TULP4: variants seen among roughly 807,000 people sequenced by gnomAD.
TULP4 encodes tubby-related protein 4.
TULP4 carries 16 observed loss-of-function variants against 129.0 expected under a neutral mutation model. The ratio of observed to expected loss-of-function variants is 0.12; its 90% CI spans 0.08 to 0.19. The LOEUF (loss-of-function observed/expected upper bound fraction) is 0.19, where lower values mean the gene tolerates loss of function less well. Ranked by LOEUF, TULP4 falls within the 10% of genes least tolerant of loss-of-function variation. The pLI is 1.00. For missense variants in TULP4, 1,842 were observed against 2,059.1 expected, an observed-to-expected ratio of 0.89 and a Z score of 2.04; for synonymous variants, 998 against 854.0, an observed-to-expected ratio of 1.17 and a Z score of -2.94.
chr6:158,462,850 A>T (rs909181866), intron 6 of TULP4, among the ~76,000 whole-genome samples: 2 of 149,216 alleles, frequency 1.3e-5, no homozygotes, highest in African/African-American at 5.0e-5. Context: ...CCCGGGTTCA[A>T]GCAATTCTCC....
intron 1 of TULP4, among the ~76,000 whole-genome samples, chr6:158,336,391 T>G (rs1468267479): frequency 1.3e-5 from 2 of 152,144 alleles, no homozygotes; most frequent in East Asian, 3.8e-4. Flanking sequence ...TTGACTTTGC[T>G]TAGTGTATTT....
At chr6:158,374,928 A>T (rs1303814179) in intron 1 of TULP4, among the ~76,000 whole-genome samples, 4 of 152,194 alleles carry the variant, frequency 2.6e-5, no homozygotes, top group Non-Finnish European at 5.9e-5. Context: ...TGGACTTGCT[A>T]TGCTTACCTA....
At position 158,313,405 on chromosome 6, in the gene TULP4, T is replaced by C. The variant is rs1196248551; in HGVS notation, c.-612T>C. On this transcript the variant is annotated 5_prime_UTR_variant, in exon 1 of 14. Transcript: ENST00000367097. ...GTTTTGCACGGTTTGTGTGCCTTTT[T>C]TTCCCTTTATGCAATCTTTTTCAGC... 8 of 398,898 alleles carry C rather than the reference T, an allele frequency of 2.0e-5. No individual in the cohort carries two copies. Among genetic ancestry groups the C allele is most frequent in the African/African-American group, 1.2e-4 (6 of 48,760 alleles). The allele number at this position is 398,898 out of a possible 1,614,324, so 24.7% of individuals were successfully genotyped here.
At chr6:158,315,133 T>G (rs1462199657) in intron 1 of TULP4, among the ~76,000 whole-genome samples, 5 of 152,186 alleles carry the variant, frequency 3.3e-5, no homozygotes, top group Non-Finnish European at 7.3e-5. Flanking sequence ...ATAGCTACTG[T>G]AAAGGAGCAG....
intron 1 of TULP4, among the ~76,000 whole-genome samples, chr6:158,243,341 T>C (rs1375612115): frequency 1.3e-5 from 2 of 152,142 alleles, no homozygotes; most frequent in Non-Finnish European, 2.9e-5. Context: ...AAAAATTTTT[T>C]CTTAGTATCA....
intron 3 of TULP4, among the ~76,000 whole-genome samples, chr6:158,444,382 A>G (rs374342242): frequency 2.0e-5 from 3 of 151,712 alleles, no homozygotes; most frequent in African/African-American, 7.3e-5. Context: ...AGAGGTGCTA[A>G]GGTTACTAGG....
intron 2 of TULP4, among the ~76,000 whole-genome samples, chr6:158,423,316 A>G (rs887562868): frequency 6.6e-6 from 1 of 152,278 alleles, no homozygotes; most frequent in Non-Finnish European, 1.5e-5. Flanking sequence ...GACTTCATCG[A>G]AATTTAATGA....
chr6:158,476,768 C>T (rs1779830148), intron 6 of TULP4, among the ~76,000 whole-genome samples: 1 of 152,140 alleles, frequency 6.6e-6, no homozygotes, highest in Non-Finnish European at 1.5e-5. Flanking sequence ...CCATCTGGGG[C>T]TCACGATTTT....
At position 158,385,645 on chromosome 6, in the gene TULP4, T is replaced by A. The variant is rs965520305; in HGVS notation, c.253-27420T>A. On this transcript the variant is annotated intron_variant, in intron 1 of 13. Transcript: ENST00000367097. ...ACATATTATATATAAAATATAATTA[T>A]ACATGTACAATATATACAAATATAC... 2.0e-5 allele frequency among the ~76,000 whole-genome samples: 3 copies of A among 149,298 alleles called. 1 individual carries two copies. The highest frequency in any genetic ancestry group is 7.3e-5 in the African/African-American group (3 of 40,936).
intron 13 of TULP4, among the ~76,000 whole-genome samples, chr6:158,505,519 G>A (rs1780580052): frequency 6.6e-6 from 1 of 152,246 alleles, no homozygotes; most frequent in Non-Finnish European, 1.5e-5. Context: ...TTTATTATCA[G>A]CCCCTCGCAG....
chr6:158,318,929 A>G (rs1401205253), intron 1 of TULP4, among the ~76,000 whole-genome samples: 2 of 128,432 alleles, frequency 1.6e-5, no homozygotes, highest in Non-Finnish European at 3.2e-5. Context: ...TTTTTTTGGT[A>G]GAGACAGGGT....
chr6:158,409,945 T>C (rs1349186803), intron 1 of TULP4, among the ~76,000 whole-genome samples: 2 of 151,944 alleles, frequency 1.3e-5, no homozygotes, highest in Non-Finnish European at 2.9e-5. Flanking sequence ...AAGCTCCGCC[T>C]CCCGGGTTGA....
rs1017961723 is a variant in TULP4 at position 158,506,452 on chromosome 6, C to T, written c.4516-126C>T. 4.1e-6 allele frequency: 3 copies of T among 732,358 alleles called. No individual in the cohort carries two copies. In the African/African-American group the frequency reaches 5.2e-5, roughly 13 times the overall value. The allele number at this position is 732,358 out of a possible 1,614,324, so 45.4% of individuals were successfully genotyped here. ...TTCACCGTGTTAGCCAGGGTGGTCT[C>T]TATCTCCTGACGTCGTGATCTGCCC... On this transcript the variant is annotated intron_variant, in intron 13 of 13. Transcript: ENST00000367097.
At position 158,331,757 on chromosome 6, in the gene TULP4, G is replaced by A. The variant is rs139895681; in HGVS notation, c.252+17489G>A. On this transcript the variant is annotated intron_variant, in intron 1 of 13. Coordinates refer to ENST00000367097, the MANE Select transcript of TULP4 (RefSeq NM_020245.5). ...CGTATATATATACGTGTATATACACGTGTATATATACACGTATATATACAC... is the reference window on the plus strand; with the variant it reads ...CGTATATATATACGTGTATATACACATGTATATATACACGTATATATACAC... Among the ~76,000 whole-genome samples the A allele has an allele frequency of 3.7e-3, 60 of 16,416 alleles. 11 individuals carry two copies. Among genetic ancestry groups the A allele is most frequent in the Middle Eastern group, 0.042 (1 of 24 alleles). The allele number at this position is 16,416 out of a possible 152,430, so 10.8% of individuals were successfully genotyped here. A position where few individuals can be genotyped will look rare whatever the true frequency, so the allele number is the denominator to read the frequency against.
At chr6:158,286,516 T>C (rs749551404) in intron 1 of TULP4, among the ~76,000 whole-genome samples, 18 of 152,232 alleles carry the variant, frequency 1.2e-4, no homozygotes, top group Admixed American at 2.0e-4. Context: ...TGCTAGATCA[T>C]AGACTAGTTG....
At position 158,242,465 on chromosome 6, in the gene TULP4, G is replaced by A. The variant is rs1777942392; in HGVS notation, n.68+10162G>A. On this transcript the variant is annotated intron_variant and non_coding_transcript_variant, in intron 1 of 1. Transcript: ENST00000620026. ...AGCATTCATCATAGTGTTCCAAACG[G>A]TGTAACACTTATCCATAAAGCTCCT... is the stretch of plus-strand genomic sequence containing the variant. 9 of 886,356 alleles carry A rather than the reference G, an allele frequency of 1.0e-5. No individual in the cohort carries two copies. The East Asian group carries it at 2.2e-4, about 21-fold the overall frequency. The allele number at this position is 886,356 out of a possible 1,614,324, so 54.9% of individuals were successfully genotyped here.
rs917879664 is a variant in TULP4 at position 158,440,717 on chromosome 6, C to G, written c.544-8279C>G. 2.6e-5 allele frequency among the ~76,000 whole-genome samples: 4 copies of G among 152,176 alleles called. No individual in the cohort carries two copies. The East Asian group carries it at 7.7e-4, about 29-fold the overall frequency. On this transcript the variant is annotated intron_variant, in intron 3 of 13. Coordinates refer to ENST00000367097, the MANE Select transcript of TULP4 (RefSeq NM_020245.5). ...AAGAAGTTGGGAGACAGCCTCCCAC[C>G]CTTCAGGGCTATCTTTATCCAATGA... is the stretch of plus-strand genomic sequence containing the variant.
chr6:158,325,355 C>CTTTTT (rs10630413), intron 1 of TULP4, among the ~76,000 whole-genome samples: 2 of 139,484 alleles, frequency 1.4e-5, no homozygotes, highest in African/African-American at 5.3e-5. Context: ...AACAGCTTTT[C>CTTTTT]TTTTTTTTTT....
chr6:158,444,012 G>C (rs1048497090), intron 3 of TULP4, among the ~76,000 whole-genome samples: 9 of 151,896 alleles, frequency 5.9e-5, no homozygotes, highest in Non-Finnish European at 1.2e-4. Context: ...AAGGTCAGGA[G>C]ATTGAGACCA....
Sources: allele counts gnomAD v4.1 joint callset (sites outside exome capture counted in the v4.1 genomes callset), GRCh38; gene constraint gnomAD v4.1.1; transcripts MANE v1.5; gene names NCBI Gene and HGNC (gene_info 2026-07-23, HGNC 2026-07-21).